Variants in LRRC74A observed in about 807,000 individuals in gnomAD.
LRRC74A encodes leucine rich repeat containing 74A, also known as leucine-rich repeat-containing protein 74A.
Under a neutral mutation model 57.9 loss-of-function variants are expected in LRRC74A, and 44 were observed. The ratio of observed to expected loss-of-function variants is 0.76; its 90% CI spans 0.60 to 0.98. LRRC74A has a LOEUF of 0.98. LRRC74A is among the 50% of genes least tolerant of loss of function. The pLI is 0.00. For missense variants in LRRC74A, 572 were observed against 574.0 expected, an observed-to-expected ratio of 1.00 and a Z score of 0.04; for synonymous variants, 211 against 219.4, an observed-to-expected ratio of 0.96 and a Z score of 0.34.
rs757729918 is a variant in LRRC74A, at chr14:76,860,744, G to A, written c.1105G>A (p.Val369Ile). 1.1e-5 allele frequency: 18 copies of A among 1,611,854 alleles called. No homozygotes were observed. In the East Asian group the frequency reaches 2.0e-4, roughly 18 times the overall value. Residue 369 changes from valine (V) to isoleucine (I), a missense_variant, in exon 11 of 14, where the codon GTT becomes ATT. By Grantham distance (29) the Val-to-Ile change is conservative. Coordinates refer to ENST00000689127, the MANE Select transcript of LRRC74A (RefSeq NM_001385106.1). ...FMKTLDGVYA[V>I]HPQLDVVFKA... ...GAAAACGTTGGACGGAGTGTATGCC[G>A]TTCACCCGCAGCTGGACGTGGTATT...
At chr14:76,832,472 T>C (rs1896037686) in intron 3 of LRRC74A, among the ~76,000 whole-genome samples, 1 of 152,228 alleles carries the variant, frequency 6.6e-6, no homozygotes, top group Admixed American at 6.5e-5. Flanking sequence ...TGCACCCAAC[T>C]AATTTTTGCA....
intron 2 of LRRC74A, 54 bp downstream of exon 2, chr14:76,828,473 AAATCTGGTTTC>A: frequency 6.2e-7 from 1 of 1,611,216 alleles, no homozygotes; most frequent in Non-Finnish European, 8.5e-7. Flanking sequence ...GAAACTGGAG[AAATCTGGTTTC>A]CAGGAGCTGT....
At position 76,841,447 on chromosome 14, in the gene LRRC74A, G is replaced by T. The variant is rs554176809; in HGVS notation, c.545-2976G>T. ...TTGAATTTTTTTTCAAAATAATTCT[G>T]CAATCTTGGCTATTAGTATTGTAAG... On this transcript the variant is annotated intron_variant, in intron 5 of 13. Coordinates refer to ENST00000689127, the MANE Select transcript of LRRC74A (RefSeq NM_001385106.1). 1.4e-4 allele frequency among the ~76,000 whole-genome samples: 22 copies of T among 152,048 alleles called. No individual in the cohort carries two copies. In the South Asian group the frequency reaches 4.4e-3, roughly 30 times the overall value.
intron 7 of LRRC74A, 150 bp downstream of exon 7, chr14:76,845,051 C>T: frequency 1.7e-6 from 1 of 603,138 alleles, no homozygotes; most frequent in Non-Finnish European, 3.0e-6. Flanking sequence ...AATTTGGGTG[C>T]AGTGGCTTAT....
chr14:76,854,535 G>A (rs1041997476), intron 9 of LRRC74A, among the ~76,000 whole-genome samples: 1 of 152,154 alleles, frequency 6.6e-6, no homozygotes, highest in African/African-American at 2.4e-5. Context: ...GAACCCAGGA[G>A]GCGGAGGTTG....
At chr14:76,851,014 A>T (rs557370379) in intron 7 of LRRC74A, among the ~76,000 whole-genome samples, 10 of 152,228 alleles carry the variant, frequency 6.6e-5, no homozygotes, top group South Asian at 2.1e-4. Flanking sequence ...GCCCTCCCCA[A>T]ATAAAAACAA....
intron 6 of LRRC74A, 52 bp downstream of exon 6, chr14:76,844,524 C>A: frequency 4.5e-6 from 7 of 1,557,146 alleles, no homozygotes; most frequent in Non-Finnish European, 5.3e-6. Flanking sequence ...CCTGGGAGAT[C>A]TGGGCAACCT....
chr14:76,837,124 AG>A (rs1233543044), intron 4 of LRRC74A, among the ~76,000 whole-genome samples: 1 of 152,196 alleles, frequency 6.6e-6, no homozygotes, highest in East Asian at 1.9e-4. Context: ...CCTGGGTGAC[AG>A]AGTGAGACTC....
At chr14:76,849,816 C>T (rs1447671382) in intron 7 of LRRC74A, among the ~76,000 whole-genome samples, 4 of 123,088 alleles carry the variant, frequency 3.2e-5, no homozygotes, top group Non-Finnish European at 5.3e-5. Flanking sequence ...AAAAAAAAAA[C>T]CCAAAAAACA....
intron 5 of LRRC74A, 67 bp downstream of exon 5, chr14:76,838,038 G>GA: frequency 9.6e-7 from 1 of 1,040,848 alleles, no homozygotes; most frequent in South Asian, 1.4e-5. Flanking sequence ...GAAAAACAGA[G>GA]AATTCAATGT....
chr14:76,868,185 G>A (rs886270729), intron 13 of LRRC74A, among the ~76,000 whole-genome samples: 7 of 152,232 alleles, frequency 4.6e-5, no homozygotes, highest in Non-Finnish European at 4.4e-5. Context: ...CAAGTTCACC[G>A]GGTGCAGTAG....
chr14:76,857,335 C>T (rs1185696169), intron 9 of LRRC74A, 45 bp from the exon 10 acceptor site: 12 of 1,285,530 alleles, frequency 9.3e-6, no homozygotes, highest in Non-Finnish European at 1.3e-5. Flanking sequence ...GGGCCAGCCT[C>T]TCCTCCCATC....
At chr14:76,828,468 T>C (rs773473884) in intron 2 of LRRC74A, 49 bp downstream of exon 2, 2 of 1,611,552 alleles carry the variant, frequency 1.2e-6, no homozygotes, top group African/African-American at 1.3e-5. Context: ...CCTCAGAAAC[T>C]GGAGAAATCT....
At chr14:76,842,192 C>T (rs1009252753) in intron 5 of LRRC74A, among the ~76,000 whole-genome samples, 4 of 152,054 alleles carry the variant, frequency 2.6e-5, no homozygotes, top group African/African-American at 9.7e-5. Flanking sequence ...AATTTTTGTA[C>T]ATTAATTCTA....
rs1440033161 is a variant in LRRC74A, at chr14:76,864,372, A to AGTAGGACGCTGTCT, written c.1201-1594_1201-1581dup. 4.8e-5 allele frequency among the ~76,000 whole-genome samples: 6 copies of AGTAGGACGCTGTCT among 124,904 alleles called. No individual in the cohort carries two copies. In the East Asian group the frequency reaches 1.7e-3, roughly 35 times the overall value. 81.9% of individuals were successfully genotyped at this position (124,904 alleles called of 152,430 possible). ...CGTTGCCAGAAATAGCTATCGATACAGTAGGACGCTGTCTGGGAGTTTCTG... is the reference window on the plus strand; with the variant it reads ...CGTTGCCAGAAATAGCTATCGATACAGTAGGACGCTGTCTGTAGGACGCTGTCTGGGAGTTTCTG... On this transcript the variant is annotated intron_variant, in intron 11 of 13. Coordinates refer to ENST00000689127, the MANE Select transcript of LRRC74A (RefSeq NM_001385106.1).
Position 76,866,126 on chromosome 14 carries a change from TTG to T in LRRC74A, c.1308+57_1308+58del, listed in dbSNP as rs1308451805. The T allele has an allele frequency of 3.1e-5, 42 of 1,339,478 alleles. No homozygotes were observed. In the East Asian group the frequency reaches 1.0e-3, roughly 32 times the overall value. The allele number at this position is 1,339,478 out of a possible 1,614,324, so 83.0% of individuals were successfully genotyped here. A position where few individuals can be genotyped will look rare whatever the true frequency, so the allele number is the denominator to read the frequency against. On this transcript the variant is annotated intron_variant, in intron 12 of 13. Coordinates refer to ENST00000689127, the MANE Select transcript of LRRC74A (RefSeq NM_001385106.1). ...GCTGTGTGTGAGTGTGAGTGTGAGT[TTG>T]TGTGTCAGAGAGAGGGGAGAGGAGG...
intron 7 of LRRC74A, among the ~76,000 whole-genome samples, chr14:76,849,842 A>G (rs1897325338): frequency 1.3e-5 from 2 of 150,362 alleles, no homozygotes; most frequent in South Asian, 4.2e-4. Context: ...AAAACCCAAC[A>G]CTTATTATTT....
chr14:76,835,014 C>T (rs560942780), intron 3 of LRRC74A, among the ~76,000 whole-genome samples: 1 of 152,294 alleles, frequency 6.6e-6, no homozygotes, highest in African/African-American at 2.4e-5. Context: ...CTCCTTCCAC[C>T]TGCTACTTCT....
rs915506233 is a variant in LRRC74A at position 76,870,241 on chromosome 14, C to T, written c.*92C>T. 9.0e-5 allele frequency: 123 copies of T among 1,359,198 alleles called. No individual in the cohort carries two copies. The highest frequency in any genetic ancestry group is 1.1e-4 in the Non-Finnish European group (110 of 970,594). The allele number at this position is 1,359,198 out of a possible 1,614,324, so 84.2% of individuals were successfully genotyped here. A position where few individuals can be genotyped will look rare whatever the true frequency, so the allele number is the denominator to read the frequency against. ...GGAGAGCAAGAGGTGGCTGAAATCT[C>T]GATGGACAGATGCTGTGGCAGGGGC... is the stretch of plus-strand genomic sequence containing the variant. On this transcript the variant is annotated 3_prime_UTR_variant, in exon 14 of 14. Coordinates refer to ENST00000689127, the MANE Select transcript of LRRC74A (RefSeq NM_001385106.1).
Sources: gnomAD v4.1 joint callset for allele counts (sites outside exome capture counted in the v4.1 genomes callset) on GRCh38, gnomAD v4.1.1 for gene constraint, MANE v1.5 for transcripts, NCBI Gene and HGNC (gene_info 2026-07-23, HGNC 2026-07-21) for gene names.